DPH6: variants seen among roughly 807,000 people sequenced by gnomAD.
The protein encoded by DPH6 is diphthamine biosynthesis 6.
A neutral mutation model predicts 38.2 loss-of-function variants in DPH6; 33 were observed. The ratio of observed to expected loss-of-function variants is 0.86; its 90% CI spans 0.65 to 1.15. The LOEUF (loss-of-function observed/expected upper bound fraction) is 1.15, where lower values mean the gene tolerates loss of function less well. DPH6 is among the 50% of genes most tolerant of loss of function. The probability of loss-of-function intolerance (pLI) is 0.00; values close to 1 mark genes in which losing one functional copy is unlikely to be tolerated. For synonymous variants in DPH6, 108 were observed against 103.0 expected (o/e 1.05, Z -0.30); for missense variants, 325 against 320.0 (o/e 1.02, Z -0.12).
intron 3 of DPH6, among the ~76,000 whole-genome samples, chr15:35,281,867 A>G (rs1260806844): frequency 6.6e-6 from 1 of 152,186 alleles, no homozygotes; most frequent in Non-Finnish European, 1.5e-5. Flanking sequence ...TGGTCAAGAC[A>G]TCTTCCCCTG....
chr15:35,146,523 GT>G, the DPH6 span, among the ~76,000 whole-genome samples: 1 of 151,992 alleles, frequency 6.6e-6, no homozygotes, highest in Non-Finnish European at 1.5e-5. Context: ...AAATTGATAT[GT>G]TTTTACCTTT....
chr15:35,465,991 C>T (rs993349366), intron 3 of DPH6, among the ~76,000 whole-genome samples: 1 of 152,126 alleles, frequency 6.6e-6, no homozygotes, highest in African/African-American at 2.4e-5. Flanking sequence ...GGAAGTCTAG[C>T]ACTACAGTTG....
intron 5 of DPH6, among the ~76,000 whole-genome samples, chr15:35,421,751 AAGG>A (rs574749219): frequency 1.3e-5 from 2 of 152,134 alleles, no homozygotes; most frequent in African/African-American, 2.4e-5. Flanking sequence ...GTTTCATTTT[AAGG>A]AGTTTATGCT....
At chr15:35,528,992 T>C (rs1189880754) in intron 3 of DPH6, among the ~76,000 whole-genome samples, 2 of 152,138 alleles carry the variant, frequency 1.3e-5, no homozygotes, top group Middle Eastern at 3.2e-3. Context: ...AAACCCTAAA[T>C]CAAATTGAAC....
the DPH6 span, among the ~76,000 whole-genome samples, chr15:35,167,577 A>ATTTT: frequency 9.3e-5 from 14 of 150,736 alleles, no homozygotes; most frequent in Non-Finnish European, 1.9e-4. Flanking sequence ...TTTTTTAAAA[A>ATTTT]AAAAAAAAAA....
chr15:35,426,019 A>G (rs576328581), intron 5 of DPH6, among the ~76,000 whole-genome samples: 1 of 150,940 alleles, frequency 6.6e-6, no homozygotes, highest in Admixed American at 6.6e-5. Flanking sequence ...GCAAATAGAG[A>G]CTCTCTTCAG....
At chr15:35,414,956 A>AG (rs753983384) in intron 5 of DPH6, among the ~76,000 whole-genome samples, 8 of 151,796 alleles carry the variant, frequency 5.3e-5, no homozygotes, top group Non-Finnish European at 8.8e-5. Flanking sequence ...TCCCTCTTGT[A>AG]GGGCACTTCC....
chr15:35,452,271 T>C (rs2053945518), intron 4 of DPH6, among the ~76,000 whole-genome samples: 1 of 152,196 alleles, frequency 6.6e-6, no homozygotes, highest in Admixed American at 6.5e-5. Flanking sequence ...TTAAAGGTAA[T>C]ATAGATAATG....
At chr15:35,443,296 T>C (rs1180761329) in intron 5 of DPH6, among the ~76,000 whole-genome samples, 1 of 152,126 alleles carries the variant, frequency 6.6e-6, no homozygotes, top group African/African-American at 2.4e-5. Context: ...CCAACAAGAG[T>C]TCTCTGGAGC....
chr15:35,455,663 C>A (rs1242300509), intron 3 of DPH6, among the ~76,000 whole-genome samples: 1 of 152,046 alleles, frequency 6.6e-6, no homozygotes, highest in African/African-American at 2.4e-5. Flanking sequence ...AAGAATAATA[C>A]ACAATATGGG....
At chr15:35,307,600 T>C (rs1595470456) in intron 3 of DPH6, among the ~76,000 whole-genome samples, 2 of 152,212 alleles carry the variant, frequency 1.3e-5, no homozygotes, top group African/African-American at 4.8e-5. Flanking sequence ...ATTTTAACTT[T>C]ACTTGTATAT....
Position 35,381,854 on chromosome 15 carries a change from C to T in DPH6, c.630G>A (p.Leu210=), listed in dbSNP as rs746899998. The T allele has an allele frequency of 6.2e-7, 1 of 1,613,376 alleles. No homozygotes were observed. Among genetic ancestry groups the T allele is most frequent in the Non-Finnish European group, 8.5e-7 (1 of 1,179,562 alleles). Residue 210 remains leucine, a synonymous_variant, in exon 7 of 9, where the codon TTG becomes TTA. Coordinates refer to ENST00000256538, the MANE Select transcript of DPH6 (RefSeq NM_080650.4). ...TTTTCTTCTTAAATAGAGGGCAATC[C>T]AAAGTGAAAGTTTCATACTCTCCAC... ...GEGGEYETFT[L]DCPLFKKKII...
At chr15:35,329,187 A>C (rs2052308365), downstream of DPH6, among the ~76,000 whole-genome samples, 1 of 152,220 alleles carries the variant, frequency 6.6e-6, no homozygotes, top group Non-Finnish European at 1.5e-5. Flanking sequence ...TAAGCATGAT[A>C]ATCTATAATA....
At chr15:35,449,512 G>C (rs1566913867) in intron 5 of DPH6, among the ~76,000 whole-genome samples, 1 of 152,062 alleles carries the variant, frequency 6.6e-6, no homozygotes. Flanking sequence ...ACCTTTCAGT[G>C]AGACGTCACG....
intron 3 of DPH6, among the ~76,000 whole-genome samples, chr15:35,320,741 C>G (rs999941581): frequency 6.6e-6 from 1 of 152,128 alleles, no homozygotes; most frequent in Non-Finnish European, 1.5e-5. Flanking sequence ...TTCTTTTATA[C>G]GTTCCAAAAA....
intron 3 of DPH6, among the ~76,000 whole-genome samples, chr15:35,355,012 T>C (rs1188216686): frequency 6.6e-6 from 1 of 152,240 alleles, no homozygotes; most frequent in African/African-American, 2.4e-5. Context: ...GTTCTTCTTG[T>C]TGAATTGATC....
At chr15:35,388,944 G>T (rs1290729051) in intron 6 of DPH6, among the ~76,000 whole-genome samples, 1 of 151,916 alleles carries the variant, frequency 6.6e-6, no homozygotes, top group African/African-American at 2.4e-5. Context: ...AGGGTGTCAA[G>T]TTTAGATCTT....
intron 3 of DPH6, among the ~76,000 whole-genome samples, chr15:35,305,281 AC>A (rs1276315019): frequency 6.6e-6 from 1 of 152,032 alleles, no homozygotes; most frequent in Non-Finnish European, 1.5e-5. Flanking sequence ...TATTAATAAC[AC>A]CCCTTACACT....
At chr15:35,382,218 A>G (rs563993244) in intron 6 of DPH6, among the ~76,000 whole-genome samples, 5 of 151,860 alleles carry the variant, frequency 3.3e-5, no homozygotes, top group East Asian at 1.9e-4. Flanking sequence ...GGCGGATCAC[A>G]AGGTCAGGAG....
Sources: allele counts gnomAD v4.1 joint callset (sites outside exome capture counted in the v4.1 genomes callset), GRCh38; gene constraint gnomAD v4.1.1; transcripts MANE v1.5; gene names NCBI Gene and HGNC (gene_info 2026-07-23, HGNC 2026-07-21).